The following HIBCH variants were observed in gnomAD, a reference collection of about 807,000 sequenced individuals.
HIBCH encodes 3-hydroxyisobutyryl-CoA hydrolase, mitochondrial.
Under a neutral mutation model 58.2 loss-of-function variants are expected in HIBCH, and 50 were observed. That is an observed-to-expected ratio of 0.86 (90% CI 0.68 to 1.09). HIBCH has a LOEUF of 1.09. HIBCH is among the 50% of genes least tolerant of loss of function. The probability of loss-of-function intolerance (pLI) is 0.00; values close to 1 mark genes in which losing one functional copy is unlikely to be tolerated. For synonymous variants in HIBCH, 151 were observed against 146.9 expected (o/e 1.03, Z -0.20); for missense variants, 450 against 449.7 (o/e 1.00, Z -0.01).
chr2:190,314,319 A>ACG (rs1358187997), intron 1 of HIBCH, among the ~76,000 whole-genome samples: 5 of 10,816 alleles, frequency 4.6e-4, no homozygotes, highest in Admixed American at 1.6e-3. Flanking sequence ...GTGTATATAT[A>ACG]TGTATATATG....
At chr2:190,219,955 T>A (rs1177553771) in intron 11 of HIBCH, among the ~76,000 whole-genome samples, 1 of 152,204 alleles carries the variant, frequency 6.6e-6, no homozygotes, top group East Asian at 1.9e-4. Flanking sequence ...TCCAGAGAAG[T>A]GTCTTAACTA....
At chr2:190,267,877 C>T (rs1016206766) in intron 6 of HIBCH, among the ~76,000 whole-genome samples, 28 of 152,104 alleles carry the variant, frequency 1.8e-4, no homozygotes, top group African/African-American at 6.3e-4. Context: ...TCTAGGATGA[C>T]CTCGAATTAA....
In HIBCH at chr2:190,315,558, A is replaced by G. The variant is rs1293629438; in HGVS notation, c.35+4158T>C. ...CTTTTTGCAATTATCCAATAAAACA[A>G]ACATGGCCTCACGAAATTAAACAAC... On this transcript the variant is annotated intron_variant, in intron 1 of 13. Coordinates refer to ENST00000359678, the MANE Select transcript of HIBCH (RefSeq NM_014362.4). This position sits in a 1 kb window ranked among gnomAD's most constrained non-coding sequence, Gnocchi z 5.4. 6.6e-6 allele frequency among the ~76,000 whole-genome samples: 1 copy of G among 152,248 alleles called. No individual in the cohort carries two copies. The highest frequency in any genetic ancestry group is 2.4e-5 in the African/African-American group (1 of 41,468).
chr2:190,252,979 A>C (rs554082076), intron 7 of HIBCH, among the ~76,000 whole-genome samples: 62 of 152,302 alleles, frequency 4.1e-4, no homozygotes, highest in African/African-American at 1.3e-3. Flanking sequence ...ACCTGAGGTC[A>C]GGAGTTCAAG....
intron 8 of HIBCH, chr2:190,250,140 C>A: frequency 3.2e-6 from 1 of 314,024 alleles, no homozygotes; most frequent in East Asian, 7.9e-5. Flanking sequence ...CTTAATCTAC[C>A]CTACACTGAG....
intron 6 of HIBCH, among the ~76,000 whole-genome samples, chr2:190,274,877 A>G (rs889548278): frequency 2.0e-5 from 3 of 152,330 alleles, no homozygotes; most frequent in African/African-American, 7.2e-5. Flanking sequence ...TCTTCCCCAG[A>G]AAGGGAGACA....
At chr2:190,261,271 T>A in intron 6 of HIBCH, 37 bp from the exon 7 acceptor site, 2 of 1,418,516 alleles carry the variant, frequency 1.4e-6, no homozygotes, top group Non-Finnish European at 2.0e-6. Context: ...CGGGGGGGAA[T>A]TAAACATATT....
intron 1 of HIBCH, among the ~76,000 whole-genome samples, chr2:190,314,383 A>ATATATACGTATATATATACG (rs1688658024): frequency 1.1e-5 from 1 of 89,244 alleles, no homozygotes. Context: ...ATATATGTGT[A>ATATATACGTATATATATACG]TATATATGTA....
At chr2:190,314,348 TGTATATATAC>T (rs1436291872) in intron 1 of HIBCH, among the ~76,000 whole-genome samples, 13 of 30,218 alleles carry the variant, frequency 4.3e-4, no homozygotes, top group South Asian at 1.3e-3. Context: ...CATATATATG[TGTATATATAC>T]GTATATATAT....
rs1450396555 is a variant in HIBCH, at chr2:190,197,561, CAG to C, written c.*17+7537_*17+7538del. The stretch of plus-strand genomic sequence containing the variant: ...TTAGTAACCCTAACCTCTGTTGCAT[CAG>C]AGTTGCCACTCTCTGACTCTCCTGG... On this transcript the variant is annotated intron_variant, in intron 1 of 1. Coordinates refer to the HIBCH transcript ENST00000399855. This position sits in a 1 kb window ranked among gnomAD's most constrained non-coding sequence, Gnocchi z 4.0. 6.6e-6 allele frequency among the ~76,000 whole-genome samples: 1 copy of C among 152,156 alleles called. No homozygotes were observed. Among genetic ancestry groups the C allele is most frequent in the Non-Finnish European group, 1.5e-5 (1 of 68,042 alleles).
chr2:190,260,728 C>A (rs1003138864), intron 7 of HIBCH, among the ~76,000 whole-genome samples: 2 of 152,152 alleles, frequency 1.3e-5, no homozygotes, highest in Non-Finnish European at 2.9e-5. Context: ...ACCCTTTCAA[C>A]AGTTGGTACT....
chr2:190,287,693 T>C, intron 5 of HIBCH, 55 bp from the exon 6 acceptor site: 3 of 1,341,590 alleles, frequency 2.2e-6, no homozygotes, highest in East Asian at 2.3e-5. Flanking sequence ...CATTCCCTTT[T>C]TCTTAAAAAA....
chr2:190,271,126 G>A (rs545491483), intron 6 of HIBCH, among the ~76,000 whole-genome samples: 2 of 151,712 alleles, frequency 1.3e-5, no homozygotes, highest in East Asian at 1.9e-4. Context: ...TTAGTAAATA[G>A]TGCCACCATT....
Position 190,281,998 on chromosome 2 carries a change from G to A in HIBCH, c.438+5588C>T, listed in dbSNP as rs1239039919. On this transcript the variant is annotated intron_variant, in intron 6 of 13. Coordinates refer to ENST00000359678, the MANE Select transcript of HIBCH (RefSeq NM_014362.4). The surrounding 1 kb of genome is among the most constrained non-coding windows in gnomAD (Gnocchi z 5.4). The stretch of plus-strand genomic sequence containing the variant: ...CTGTCCATATTTCTATTAGCATTCT[G>A]CCCATGACCACTTAAATAATCTCTA... 6.6e-6 allele frequency among the ~76,000 whole-genome samples: 1 copy of A among 152,026 alleles called. No homozygotes were observed. Among genetic ancestry groups the A allele is most frequent in the Non-Finnish European group, 1.5e-5 (1 of 68,002 alleles).
At chr2:190,231,291 C>T (rs1323643255) in intron 11 of HIBCH, among the ~76,000 whole-genome samples, 1 of 152,106 alleles carries the variant, frequency 6.6e-6, no homozygotes, top group Non-Finnish European at 1.5e-5. Flanking sequence ...AGATATTCTG[C>T]AAGTAGCTGA....
chr2:190,241,479 T>C (rs1221031137), intron 11 of HIBCH, among the ~76,000 whole-genome samples: 1 of 152,266 alleles, frequency 6.6e-6, no homozygotes, highest in Non-Finnish European at 1.5e-5. Flanking sequence ...AAGGTTAATA[T>C]GGTTACATGT....
intron 11 of HIBCH, among the ~76,000 whole-genome samples, chr2:190,240,188 G>C (rs185159791): frequency 1.2e-4 from 19 of 152,230 alleles, no homozygotes; most frequent in African/African-American, 4.3e-4. Context: ...ATTGTTATTG[G>C]TCTATTTAGG....
chr2:190,308,486 G>A (rs761008735), intron 2 of HIBCH, among the ~76,000 whole-genome samples: 4 of 152,106 alleles, frequency 2.6e-5, no homozygotes, highest in Admixed American at 6.6e-5. Context: ...ATAAATTAAT[G>A]GATTAATGAG....
At chr2:190,213,241 G>C (rs2105902128) in intron 11 of HIBCH, 166 bp from the exon 12 acceptor site, 1 of 595,514 alleles carries the variant, frequency 1.7e-6, no homozygotes, top group African/African-American at 1.9e-5. Context: ...TTTCTAATCT[G>C]CTACAAAAAC....
Sources: gnomAD v4.1 joint callset for allele counts (sites outside exome capture counted in the v4.1 genomes callset) on GRCh38, gnomAD v4.1.1 for gene constraint, Gnocchi (gnomAD v3.1) non-coding constraint, MANE v1.5 for transcripts, NCBI Gene and HGNC (gene_info 2026-07-23, HGNC 2026-07-21) for gene names.